KEAP1: variants seen among roughly 807,000 people sequenced by gnomAD.
KEAP1 encodes kelch-like ECH-associated protein 1.
KEAP1 carries 26 observed loss-of-function variants against 59.7 expected under a neutral mutation model. The ratio of observed to expected loss-of-function variants is 0.44; its 90% CI spans 0.32 to 0.60. KEAP1 has a LOEUF of 0.60. Ranked by LOEUF, KEAP1 falls within the 20% of genes least tolerant of loss-of-function variation. The pLI is 0.06. For synonymous variants in KEAP1, 350 were observed against 358.3 expected (o/e 0.98, Z 0.26); for missense variants, 539 against 871.4 (o/e 0.62, Z 4.80).
In KEAP1 at chr19:10,499,945, G is replaced by A. The variant is rs138428670; in HGVS notation, c.89C>T (p.Ala30Val). 24 of 1,608,608 alleles carry A rather than the reference G, an allele frequency of 1.5e-5. No homozygotes were observed. The South Asian group carries it at 1.7e-4, about 11-fold the overall frequency. Residue 30 changes from alanine (A) to valine (V), a missense_variant, in exon 2 of 6, where the codon GCG becomes GTG. Coordinates refer to ENST00000171111, the MANE Select transcript of KEAP1 (RefSeq NM_203500.2). The surrounding 1 kb of genome is among the most constrained non-coding windows in gnomAD (Gnocchi z 6.7). ...GCACTCAGTGGAGGCGTACATCACC[G>A]CGTCCCCTGCCCCCTCAGGGCACTG... is the stretch of plus-strand genomic sequence containing the variant. Reference protein sequence around the residue: ...QSQCPEGAGDAVMYASTECKA... With the variant: ...QSQCPEGAGDVVMYASTECKA...
chr19:10,498,418 G>A (rs904656380), intron 2 of KEAP1, among the ~76,000 whole-genome samples: 7 of 152,012 alleles, frequency 4.6e-5, no homozygotes, highest in Non-Finnish European at 7.4e-5. Flanking sequence ...TATTGGTCAG[G>A]CTGGTCTCAA....
At chr19:10,495,546 A>T (rs1175241835) in intron 2 of KEAP1, among the ~76,000 whole-genome samples, 2 of 152,006 alleles carry the variant, frequency 1.3e-5, no homozygotes, top group African/African-American at 4.8e-5. Flanking sequence ...AAAAACAAAA[A>T]AATTAGCCAG....
rs777680192 is a variant in KEAP1 at position 10,499,771 on chromosome 19, G to A, written c.263C>T (p.Ala88Val). Reference sequence around the variant, plus strand: ...GTGGGCCATGAACTGGGCGGCCGGTGCATCCTGGTACTTGACCTGCAGTGT... The same window carrying A: ...GTGGGCCATGAACTGGGCGGCCGGTACATCCTGGTACTTGACCTGCAGTGT... ...DVTLQVKYQD[A>V]PAAQFMAHKV... The change falls in exon 2 of 6, where the codon GCA becomes GTA. Residue 88 changes from alanine to valine, a missense_variant. Ala to Val is a moderately conservative substitution (Grantham distance 64, BLOSUM62 0). Transcript: ENST00000171111. This position sits in a 1 kb window ranked among gnomAD's most constrained non-coding sequence, Gnocchi z 6.7. 6.2e-6 allele frequency: 10 copies of A among 1,613,984 alleles called. No homozygotes were observed. In the South Asian group the frequency reaches 6.6e-5, roughly 11 times the overall value.
At chr19:10,495,189 C>T (rs1031375232) in intron 2 of KEAP1, among the ~76,000 whole-genome samples, 1 of 151,792 alleles carries the variant, frequency 6.6e-6, no homozygotes, top group Admixed American at 6.6e-5. Flanking sequence ...CAGGGTCTTG[C>T]TCTGTCACCT....
Position 10,499,806 on chromosome 19 carries a change from C to T in KEAP1, c.228G>A (p.Leu76=), listed in dbSNP as rs1568401769. ...IMNELRLSQQ[L]CDVTLQVKYQ... The stretch of plus-strand genomic sequence containing the variant: ...ACTTGACCTGCAGTGTGACGTCACA[C>T]AGCTGCTGGCTGAGCCGCAGCTCGT... Residue 76 remains leucine (L), a synonymous_variant, in exon 2 of 6, where the codon CTG becomes CTA. Transcript: ENST00000171111. The surrounding 1 kb of genome is among the most constrained non-coding windows in gnomAD (Gnocchi z 6.7). 1.2e-6 allele frequency: 2 copies of T among 1,614,086 alleles called. No homozygotes were observed. Among genetic ancestry groups the T allele is most frequent in the Non-Finnish European group, 1.7e-6 (2 of 1,180,040 alleles).
At chr19:10,501,596 T>C (rs1046646471) in intron 1 of KEAP1, among the ~76,000 whole-genome samples, 2 of 151,952 alleles carry the variant, frequency 1.3e-5, no homozygotes, top group Non-Finnish European at 2.9e-5. Context: ...CACCACTGCA[T>C]TCCAGCCTGG....
chr19:10,501,052 G>T (rs1915027434), intron 1 of KEAP1, among the ~76,000 whole-genome samples: 1 of 152,144 alleles, frequency 6.6e-6, no homozygotes, highest in South Asian at 2.1e-4. Flanking sequence ...AGACAAGGAT[G>T]AAAATTATTA....
At chr19:10,489,939 CTTTT>C in intron 3 of KEAP1, 86 bp from the exon 4 acceptor site, 1 of 1,178,848 alleles carries the variant, frequency 8.5e-7, no homozygotes, top group East Asian at 2.9e-5. Flanking sequence ...CTTTTTTTTC[CTTTT>C]TTTTTTCCCC....
At chr19:10,493,603 C>A (rs1914754162) in intron 2 of KEAP1, among the ~76,000 whole-genome samples, 1 of 144,142 alleles carries the variant, frequency 6.9e-6, no homozygotes, top group Non-Finnish European at 1.5e-5. Flanking sequence ...GCTCTTTTGC[C>A]CAGGCCGGAC....
In KEAP1 at chr19:10,500,095, G is replaced by GCA; in HGVS notation, c.-47-17_-47-16dup. The GCA allele has an allele frequency of 6.7e-7, 1 of 1,490,244 alleles. No homozygotes were observed. The highest frequency in any genetic ancestry group is 2.4e-5 in the Admixed American group (1 of 41,474). The allele number at this position is 1,490,244 out of a possible 1,614,324, so 92.3% of individuals were successfully genotyped here. A position where few individuals can be genotyped will look rare whatever the true frequency, so the allele number is the denominator to read the frequency against. ...CACTCAGGGACCTGGAGGGGAGAGA[G>GCA]CACAGGGCAGAGGGCAGGGGTTGGG... is the stretch of plus-strand genomic sequence containing the variant. On this transcript the variant is annotated splice_polypyrimidine_tract_variant and intron_variant, in intron 1 of 5. Transcript: ENST00000171111.
chr19:10,499,395 C>T lies in KEAP1; in HGVS notation c.639G>A (p.Glu213=), dbSNP rs2144623920. The change falls in exon 2 of 6, where the codon GAG becomes GAA. Residue 213 remains glutamate (E), a splice_region_variant and synonymous_variant. Transcript: ENST00000171111. This position sits in a 1 kb window ranked among gnomAD's most constrained non-coding sequence, Gnocchi z 6.7. ...CCCCCAGCCCCACTTCCCCGCTCACCTCCCCAAAATGCATGTAGATGTACT... is the reference window on the plus strand; with the variant it reads ...CCCCCAGCCCCACTTCCCCGCTCACTTCCCCAAAATGCATGTAGATGTACT... ...AREYIYMHFG[E]VAKQEEFFNL... 1 of 1,590,362 alleles carries T rather than the reference C, an allele frequency of 6.3e-7. No individual in the cohort carries two copies.
rs1232290072 is a variant in KEAP1, at chr19:10,491,696, C to T, written c.1206G>A (p.Gln402=). ...CGCTCATGGGGGCGCAGGGCGACCA[C>T]TGATTGGTCATGGGGTTGTAACAGT... ...ALDCYNPMTN[Q]WSPCAPMSVP... Residue 402 remains glutamine, a synonymous_variant, in exon 3 of 6, where the codon CAG becomes CAA. Transcript: ENST00000171111. The surrounding 1 kb of genome is among the most constrained non-coding windows in gnomAD (Gnocchi z 5.2). 3 of 1,571,180 alleles carry T rather than the reference C, an allele frequency of 1.9e-6. No homozygotes were observed. In the Admixed American group the frequency reaches 5.7e-5, roughly 30 times the overall value.
Position 10,502,183 on chromosome 19 carries a change from C to A in KEAP1, c.-48+1058G>T, listed in dbSNP as rs1390098025. 6.6e-6 allele frequency among the ~76,000 whole-genome samples: 1 copy of A among 152,176 alleles called. No homozygotes were observed. Among genetic ancestry groups the A allele is most frequent in the Admixed American group, 6.6e-5 (1 of 15,256 alleles). Reference sequence around the variant, plus strand: ...TGCCCTGCCACCGTGCCTGCCAGAGCGGCCTCCTCCACCCTCCCTGGGTGC... The same window carrying A: ...TGCCCTGCCACCGTGCCTGCCAGAGAGGCCTCCTCCACCCTCCCTGGGTGC... On this transcript the variant is annotated intron_variant, in intron 1 of 5. Transcript: ENST00000171111. The surrounding 1 kb of genome is among the most constrained non-coding windows in gnomAD (Gnocchi z 4.0).
intron 2 of KEAP1, among the ~76,000 whole-genome samples, chr19:10,492,998 T>C (rs1436294771): frequency 6.6e-6 from 1 of 151,428 alleles, no homozygotes; most frequent in Non-Finnish European, 1.5e-5. Context: ...ATTTTTATTT[T>C]ATTTTATTTT....
At chr19:10,496,716 G>A (rs548396331) in intron 2 of KEAP1, among the ~76,000 whole-genome samples, 61 of 151,696 alleles carry the variant, frequency 4.0e-4, no homozygotes, top group African/African-American at 1.5e-3. Flanking sequence ...CATGAGAATC[G>A]CTTGAACCCA....
chr19:10,493,149 C>A lies in KEAP1; in HGVS notation c.640-887G>T, dbSNP rs145793917. 3.6e-3 allele frequency among the ~76,000 whole-genome samples: 538 copies of A among 147,498 alleles called. 4 individuals carry two copies. Among genetic ancestry groups the A allele is most frequent in the Non-Finnish European group, 5.5e-3 (372 of 67,474 alleles). On this transcript the variant is annotated intron_variant, in intron 2 of 5. Coordinates refer to ENST00000171111, the MANE Select transcript of KEAP1 (RefSeq NM_203500.2). ...TAGCTAGGATTACAGGAGTGTGCCTCCAGAGCAGCTAATTTTTTTTTTTTT... is the reference window on the plus strand; with the variant it reads ...TAGCTAGGATTACAGGAGTGTGCCTACAGAGCAGCTAATTTTTTTTTTTTT...
At chr19:10,500,460 C>T (rs1915003747) in intron 1 of KEAP1, among the ~76,000 whole-genome samples, 1 of 152,174 alleles carries the variant, frequency 6.6e-6, no homozygotes, top group Non-Finnish European at 1.5e-5. Context: ...CTCATTCCTT[C>T]ATTTGCCTCA....
At chr19:10,487,036 TAAAAAAAAAAAAA>T (rs35072591) in intron 5 of KEAP1, among the ~76,000 whole-genome samples, 1 of 92,016 alleles carries the variant, frequency 1.1e-5, no homozygotes, top group Non-Finnish European at 2.1e-5. Context: ...AGTCTCTTAC[TAAAAAAAAAAAAA>T]AAAAAAAAAA....
intron 2 of KEAP1, among the ~76,000 whole-genome samples, chr19:10,495,359 A>C (rs372235832): frequency 1.3e-5 from 2 of 152,268 alleles, no homozygotes; most frequent in African/African-American, 4.8e-5. Context: ...TAGACTAAAA[A>C]AGGAAAAAAT....
Sources: allele counts gnomAD v4.1 joint callset (sites outside exome capture counted in the v4.1 genomes callset), GRCh38; gene constraint gnomAD v4.1.1; non-coding constraint Gnocchi (gnomAD v3.1); transcripts MANE v1.5; gene names NCBI Gene and HGNC (gene_info 2026-07-23, HGNC 2026-07-21).